SLC27A6: variants seen among roughly 807,000 people sequenced by gnomAD.
SLC27A6 encodes the protein solute carrier family 27 member 6.
A neutral mutation model predicts 63.9 loss-of-function variants in SLC27A6; 74 were observed. The observed-to-expected ratio is 1.16, with a 90% CI of 0.96 to 1.40. The LOEUF is 1.40. Ranked by LOEUF, SLC27A6 falls within the 40% of genes most tolerant of loss-of-function variation. The pLI is 0.00. For synonymous variants in SLC27A6, 287 were observed against 260.8 expected (o/e 1.10, Z -0.97); for missense variants, 794 against 732.9 (o/e 1.08, Z -0.96).
Position 129,016,500 on chromosome 5 carries a change from T to G in SLC27A6, c.1164+421T>G, listed in dbSNP as rs73242078. Among the ~76,000 whole-genome samples, 154 of 151,024 alleles carry G rather than the reference T, an allele frequency of 1.0e-3. 2 individuals carry two copies. In the East Asian group the frequency reaches 0.017, roughly 17 times the overall value. On this transcript the variant is annotated intron_variant, in intron 5 of 9. Coordinates refer to ENST00000262462, the MANE Select transcript of SLC27A6 (RefSeq NM_001017372.3). ...AAATATTATCACCTTTTTTTTTTTTTAAGTTGAGAATTTCTAGAAATAGAG... is the reference window on the plus strand; with the variant it reads ...AAATATTATCACCTTTTTTTTTTTTGAAGTTGAGAATTTCTAGAAATAGAG...
intron 4 of SLC27A6, among the ~76,000 whole-genome samples, chr5:128,993,709 A>T (rs1160851438): frequency 1.3e-5 from 2 of 152,120 alleles, no homozygotes; most frequent in Admixed American, 6.6e-5. Context: ...ATTCTTTTTA[A>T]CTCTCTGAAT....
chr5:129,025,874 G>A (rs1257336340), intron 6 of SLC27A6, among the ~76,000 whole-genome samples: 2 of 152,118 alleles, frequency 1.3e-5, no homozygotes, highest in African/African-American at 4.8e-5. Flanking sequence ...GGTGGCTCAC[G>A]CCAGTAATCC....
intron 1 of SLC27A6, among the ~76,000 whole-genome samples, chr5:128,971,492 G>T (rs142654255): frequency 0.012 from 1,840 of 150,826 alleles, 36 homozygotes; most frequent in African/African-American, 0.042. Context: ...TTGTTGAATT[G>T]ATCCCTTTAC....
chr5:129,020,076 G>T (rs1752025366), intron 5 of SLC27A6, among the ~76,000 whole-genome samples: 1 of 152,006 alleles, frequency 6.6e-6, no homozygotes, highest in African/African-American at 2.4e-5. Flanking sequence ...CAAAGGATGA[G>T]CAAAATGTAA....
intron 4 of SLC27A6, among the ~76,000 whole-genome samples, chr5:129,012,069 C>CT (rs528213687): frequency 1.7e-3 from 258 of 151,524 alleles, no homozygotes; most frequent in African/African-American, 5.8e-3. Context: ...ATATATCAAA[C>CT]TATTTATACA....
intron 1 of SLC27A6, among the ~76,000 whole-genome samples, chr5:128,968,791 G>T (rs915711459): frequency 5.3e-5 from 8 of 152,048 alleles, no homozygotes; most frequent in Admixed American, 1.3e-4. Flanking sequence ...GTCAATTTTG[G>T]CTTTTGTTGC....
At chr5:128,991,394 A>C (rs1750977646) in intron 4 of SLC27A6, among the ~76,000 whole-genome samples, 1 of 152,210 alleles carries the variant, frequency 6.6e-6, no homozygotes, top group Admixed American at 6.5e-5. Context: ...GCAATACCCC[A>C]AGATAAAATA....
chr5:129,023,559 G>A (rs1020402480), intron 5 of SLC27A6, 61 bp from the exon 6 acceptor site: 2 of 1,205,258 alleles, frequency 1.7e-6, no homozygotes, highest in African/African-American at 1.5e-5. Context: ...GCTTGTACAA[G>A]TAACTAAATG....
chr5:129,018,200 C>T (rs961965944), intron 5 of SLC27A6, among the ~76,000 whole-genome samples: 7 of 152,058 alleles, frequency 4.6e-5, no homozygotes, highest in African/African-American at 9.7e-5. Flanking sequence ...TCCCATAATG[C>T]GAACTTTGGT....
intron 6 of SLC27A6, among the ~76,000 whole-genome samples, chr5:129,026,254 T>C (rs1050324826): frequency 6.6e-6 from 1 of 152,196 alleles, no homozygotes; most frequent in Non-Finnish European, 1.5e-5. Flanking sequence ...ACAATAGCCT[T>C]GAAGACTTCC....
intron 3 of SLC27A6, among the ~76,000 whole-genome samples, chr5:128,989,977 A>G (rs987489476): frequency 2.6e-5 from 4 of 152,070 alleles, no homozygotes; most frequent in African/African-American, 9.7e-5. Flanking sequence ...AAAAATGAAT[A>G]ATATGTATAT....
In SLC27A6 at chr5:128,997,468, T is replaced by C. The variant is rs144785243; in HGVS notation, c.969+7004T>C. 6.7e-3 allele frequency among the ~76,000 whole-genome samples: 1,016 copies of C among 152,284 alleles called. 12 individuals carry two copies. Among genetic ancestry groups the C allele is most frequent in the African/African-American group, 0.023 (937 of 41,554 alleles). On this transcript the variant is annotated intron_variant, in intron 4 of 9. Transcript: ENST00000262462. ...CTCTTTTCAGCTTAGAAACTGTAAA[T>C]GTAGAAATACAAGGGGCTAACATAA...
chr5:129,026,183 G>A (rs750078314), intron 6 of SLC27A6, among the ~76,000 whole-genome samples: 2 of 152,048 alleles, frequency 1.3e-5, no homozygotes, highest in African/African-American at 2.4e-5. Context: ...TAGTTTGCTG[G>A]ACTCCAACTT....
intron 4 of SLC27A6, among the ~76,000 whole-genome samples, chr5:129,002,536 C>G (rs1279114368): frequency 6.8e-6 from 1 of 147,692 alleles, no homozygotes; most frequent in Non-Finnish European, 1.5e-5. Flanking sequence ...CTCCCACCCT[C>G]CCTCACTCCC....
intron 5 of SLC27A6, among the ~76,000 whole-genome samples, chr5:129,016,957 G>A (rs1751917963): frequency 6.6e-6 from 1 of 152,112 alleles, no homozygotes; most frequent in Admixed American, 6.6e-5. Flanking sequence ...AAAAATAACT[G>A]TCAAACTGGA....
At chr5:129,004,951 G>C (rs893948621) in intron 4 of SLC27A6, among the ~76,000 whole-genome samples, 2 of 152,060 alleles carry the variant, frequency 1.3e-5, no homozygotes, top group African/African-American at 4.8e-5. Flanking sequence ...TACAATCTAG[G>C]TTCTCATCAT....
chr5:129,031,283 T>A (rs1752406594), intron 9 of SLC27A6, among the ~76,000 whole-genome samples: 2 of 151,986 alleles, frequency 1.3e-5, no homozygotes, highest in South Asian at 4.1e-4. Flanking sequence ...TAGTAATAAA[T>A]GATCTCATAA....
intron 4 of SLC27A6, among the ~76,000 whole-genome samples, chr5:128,996,541 A>G (rs1048721181): frequency 2.0e-5 from 3 of 152,136 alleles, no homozygotes; most frequent in African/African-American, 7.2e-5. Flanking sequence ...TTCATTAGTA[A>G]TGCTTAGACA....
At chr5:128,981,916 C>T (rs749546024) in intron 1 of SLC27A6, among the ~76,000 whole-genome samples, 2 of 151,698 alleles carry the variant, frequency 1.3e-5, no homozygotes, top group African/African-American at 4.8e-5. Flanking sequence ...CAGGCTCAAG[C>T]GATTCACCTG....
Sources: gnomAD v4.1 joint callset for allele counts (sites outside exome capture counted in the v4.1 genomes callset) on GRCh38, gnomAD v4.1.1 for gene constraint, MANE v1.5 for transcripts, NCBI Gene and HGNC (gene_info 2026-07-23, HGNC 2026-07-21) for gene names.